Variants in DOCK3 observed in about 807,000 individuals in gnomAD.
The protein encoded by DOCK3 is dedicator of cytokinesis protein 3.
In DOCK3, 60 loss-of-function variants were observed where a neutral mutation model predicts 265.6. The ratio of observed to expected loss-of-function variants is 0.23; its 90% CI spans 0.18 to 0.28. DOCK3 has a LOEUF of 0.28. Ranked by LOEUF, DOCK3 falls within the 10% of genes least tolerant of loss-of-function variation. The probability of loss-of-function intolerance (pLI) is 1.00; values close to 1 mark genes in which losing one functional copy is unlikely to be tolerated. For synonymous variants in DOCK3, 881 were observed against 938.0 expected, an observed-to-expected ratio of 0.94 and a Z score of 1.11; for missense variants, 1,981 against 2,594.3, an observed-to-expected ratio of 0.76 and a Z score of 5.14.
intron 30 of DOCK3, 51 bp from the exon 31 acceptor site, chr3:51,312,793 C>T: frequency 1.3e-6 from 2 of 1,562,482 alleles, no homozygotes; most frequent in South Asian, 1.2e-5. Context: ...GCAGCCCTAT[C>T]CTCCTGAACC....
chr3:51,235,975 C>G (rs897746306), intron 19 of DOCK3, among the ~76,000 whole-genome samples: 2 of 152,204 alleles, frequency 1.3e-5, no homozygotes, highest in Admixed American at 6.5e-5. Flanking sequence ...CCAGTAAGCT[C>G]TTTTTCTCAA....
At chr3:50,719,406 A>C (rs2037338043) in intron 1 of DOCK3, 4 of 552,818 alleles carry the variant, frequency 7.2e-6, no homozygotes, top group Admixed American at 5.2e-5. Flanking sequence ...GCTGCGAGCA[A>C]ATGGAGTGGA....
chr3:50,875,190 A>G (rs1346533143), intron 3 of DOCK3, among the ~76,000 whole-genome samples: 5 of 152,194 alleles, frequency 3.3e-5, no homozygotes, highest in East Asian at 3.8e-4. Flanking sequence ...CGTTCTGCAC[A>G]TGTATCCCAG....
At chr3:50,730,176 C>G (rs2038105126) in intron 1 of DOCK3, among the ~76,000 whole-genome samples, 1 of 152,172 alleles carries the variant, frequency 6.6e-6, no homozygotes, top group Non-Finnish European at 1.5e-5. Context: ...GAGTCTCACT[C>G]TGTCACCCAG....
intron 5 of DOCK3, among the ~76,000 whole-genome samples, chr3:50,936,193 T>C (rs1201905378): frequency 6.6e-6 from 1 of 151,724 alleles, no homozygotes; most frequent in East Asian, 1.9e-4. Flanking sequence ...TAGCAGCCTA[T>C]AGAAATTATA....
At chr3:50,881,098 C>T (rs1034357646) in intron 3 of DOCK3, among the ~76,000 whole-genome samples, 1 of 152,118 alleles carries the variant, frequency 6.6e-6, no homozygotes, top group Non-Finnish European at 1.5e-5. Flanking sequence ...TAAAAACTCT[C>T]AATAAACTAG....
intron 1 of DOCK3, among the ~76,000 whole-genome samples, chr3:50,772,948 A>C (rs2041366370): frequency 6.6e-6 from 1 of 152,148 alleles, no homozygotes; most frequent in Non-Finnish European, 1.5e-5. Flanking sequence ...TCCTAAAATT[A>C]GTATGGAACC....
chr3:51,306,850 C>CT (rs2082715535), intron 27 of DOCK3, among the ~76,000 whole-genome samples: 1 of 152,054 alleles, frequency 6.6e-6, no homozygotes, highest in African/African-American at 2.4e-5. Flanking sequence ...TCCTTCATTT[C>CT]TTTGTTTAAA....
chr3:51,276,536 T>G, intron 25 of DOCK3: 1 of 631,024 alleles, frequency 1.6e-6, no homozygotes, highest in Non-Finnish European at 2.0e-6. Flanking sequence ...ACATCACTGG[T>G]AAGTGTTATG....
At chr3:50,716,026 A>G (rs572978829) in intron 1 of DOCK3, among the ~76,000 whole-genome samples, 2 of 152,058 alleles carry the variant, frequency 1.3e-5, no homozygotes, top group South Asian at 2.1e-4. Flanking sequence ...CAAGATCATT[A>G]TTCTTTGAAA....
intron 40 of DOCK3, among the ~76,000 whole-genome samples, chr3:51,351,276 A>C (rs1251817848): frequency 6.6e-6 from 1 of 152,174 alleles, no homozygotes; most frequent in Non-Finnish European, 1.5e-5. Flanking sequence ...TTCACTGTCC[A>C]CAAGCCTCAG....
At chr3:51,142,645 C>T (rs2085116115) in intron 9 of DOCK3, among the ~76,000 whole-genome samples, 1 of 152,016 alleles carries the variant, frequency 6.6e-6, no homozygotes, top group Non-Finnish European at 1.5e-5. Flanking sequence ...TATTTGGGTT[C>T]TTACATGTTT....
chr3:50,918,635 A>G (rs967886796), intron 4 of DOCK3, among the ~76,000 whole-genome samples: 5 of 152,050 alleles, frequency 3.3e-5, no homozygotes, highest in Non-Finnish European at 7.4e-5. Context: ...AATTTGTTTA[A>G]GTTCTTTGTA....
intron 9 of DOCK3, among the ~76,000 whole-genome samples, chr3:51,146,135 ATTCTT>A (rs1266341811): frequency 6.6e-6 from 1 of 152,214 alleles, no homozygotes; most frequent in Non-Finnish European, 1.5e-5. Flanking sequence ...GGTAATGTAG[ATTCTT>A]TCAGCTCTAA....
intron 9 of DOCK3, among the ~76,000 whole-genome samples, chr3:51,140,974 T>C (rs145233961): frequency 1.2e-3 from 185 of 152,296 alleles, no homozygotes; most frequent in African/African-American, 3.4e-3. Flanking sequence ...ACTTTATATA[T>C]TATAGGTACA....
At chr3:51,231,121 C>CTTTTTTTTTTTTTT (rs754271357) in intron 19 of DOCK3, among the ~76,000 whole-genome samples, 11 of 77,738 alleles carry the variant, frequency 1.4e-4, no homozygotes, top group East Asian at 4.5e-4. Flanking sequence ...TATTTTTTGA[C>CTTTTTTTTTTTTTT]TTTTTTTTTT....
intron 23 of DOCK3, among the ~76,000 whole-genome samples, chr3:51,266,646 C>G (rs1214475863): frequency 6.6e-6 from 1 of 152,096 alleles, no homozygotes; most frequent in Non-Finnish European, 1.5e-5. Flanking sequence ...GAAACTGGAC[C>G]CCTTCCTTAC....
intron 5 of DOCK3, among the ~76,000 whole-genome samples, chr3:51,024,971 A>G (rs11919195): frequency 0.094 from 14,242 of 152,172 alleles, 797 homozygotes; most frequent in Middle Eastern, 0.18. Flanking sequence ...GTGTTATTCT[A>G]TCTAGAGATG....
chr3:50,948,800 T>C (rs908252121), intron 5 of DOCK3, among the ~76,000 whole-genome samples: 2 of 152,012 alleles, frequency 1.3e-5, no homozygotes, highest in African/African-American at 2.4e-5. Context: ...CTCTAAAATG[T>C]GTATGGAAAA....
Sources: allele counts gnomAD v4.1 joint callset (sites outside exome capture counted in the v4.1 genomes callset), GRCh38; gene constraint gnomAD v4.1.1; transcripts MANE v1.5; gene names NCBI Gene and HGNC (gene_info 2026-07-23, HGNC 2026-07-21).